The following SLCO3A1 variants were observed in gnomAD, a reference collection of about 807,000 sequenced individuals.
SLCO3A1 encodes PGE1 transporter.
SLCO3A1 carries 27 observed loss-of-function variants against 63.1 expected under a neutral mutation model. That is an observed-to-expected ratio of 0.43 (90% CI 0.32 to 0.59). SLCO3A1 has a LOEUF of 0.59. SLCO3A1 is among the 20% of genes least tolerant of loss of function. The probability of loss-of-function intolerance (pLI) is 0.09; values close to 1 mark genes in which losing one functional copy is unlikely to be tolerated. For synonymous variants in SLCO3A1, 473 were observed against 409.9 expected (o/e 1.15, Z -1.86); for missense variants, 773 against 945.8 (o/e 0.82, Z 2.40).
intron 2 of SLCO3A1, among the ~76,000 whole-genome samples, chr15:92,065,651 G>A (rs1484398501): frequency 6.6e-6 from 1 of 151,974 alleles, no homozygotes; most frequent in Non-Finnish European, 1.5e-5. Context: ...AGTAATTAAG[G>A]GGGATCCATG....
Position 92,036,074 on chromosome 15 carries a change from T to C in SLCO3A1, c.647-58807T>C, listed in dbSNP as rs2046722056. On this transcript the variant is annotated intron_variant, in intron 2 of 9. Transcript: ENST00000318445. ...TTGGACCAGCACCACCAAGCCACTC[T>C]CCAACTGCAGAACATCCCAAGGCCA... 1.3e-5 allele frequency among the ~76,000 whole-genome samples: 2 copies of C among 152,180 alleles called. 1 individual carries two copies. The highest frequency in any genetic ancestry group is 4.1e-4 in the South Asian group (2 of 4,834).
intron 2 of SLCO3A1, among the ~76,000 whole-genome samples, chr15:92,011,513 TAA>T (rs11336879): frequency 5.9e-4 from 90 of 151,456 alleles, no homozygotes; most frequent in African/African-American, 1.9e-3. Context: ...ACATGCTTCT[TAA>T]AAAAAAAATT....
At chr15:92,143,781 C>G (rs2048182431) in intron 7 of SLCO3A1, among the ~76,000 whole-genome samples, 1 of 151,362 alleles carries the variant, frequency 6.6e-6, no homozygotes, top group African/African-American at 2.4e-5. Flanking sequence ...GCGTAACTGT[C>G]AGGAAAACAG....
chr15:92,172,303 A>T (rs2048526061), exon 11 of SLCO3A1: 2 of 160,172 alleles, frequency 1.2e-5, no homozygotes, highest in Non-Finnish European at 2.7e-5. Flanking sequence ...GCACATACTC[A>T]ATAGATTTTT....
intron 2 of SLCO3A1, among the ~76,000 whole-genome samples, chr15:91,972,250 G>C (rs947884411): frequency 2.0e-5 from 3 of 152,140 alleles, no homozygotes; most frequent in Admixed American, 2.0e-4. Flanking sequence ...GGGTTGGGAG[G>C]TGGATATGGG....
At chr15:92,071,315 G>A (rs2047213207) in intron 2 of SLCO3A1, among the ~76,000 whole-genome samples, 1 of 152,178 alleles carries the variant, frequency 6.6e-6, no homozygotes, top group Admixed American at 6.5e-5. Flanking sequence ...TGTCTGCAGG[G>A]CAAGCATTCA....
At chr15:92,057,629 C>T (rs1050190719) in intron 2 of SLCO3A1, among the ~76,000 whole-genome samples, 1 of 152,202 alleles carries the variant, frequency 6.6e-6, no homozygotes, top group Non-Finnish European at 1.5e-5. Context: ...CCAGCCCCAT[C>T]CAGACCCAGC....
At position 91,856,478 on chromosome 15, in the gene SLCO3A1, ATC is replaced by A. The variant is rs1226906175; in HGVS notation, c.180+2392_180+2393del. On this transcript the variant is annotated intron_variant, in intron 1 of 9. Coordinates refer to ENST00000318445, the MANE Select transcript of SLCO3A1 (RefSeq NM_013272.4). This position sits in a 1 kb window ranked among gnomAD's most constrained non-coding sequence, Gnocchi z 4.9. ...TGGGCCACTTCAGAGTTTTCTCTTC[ATC>A]TGTTATTTGGGAGATGGGGAAAAAA... Among the ~76,000 whole-genome samples, 1 of 151,966 alleles carries A rather than the reference ATC, an allele frequency of 6.6e-6. No homozygotes were observed. The highest frequency in any genetic ancestry group is 1.5e-5 in the Non-Finnish European group (1 of 68,002).
In SLCO3A1 at chr15:92,163,872, C is replaced by A; in HGVS notation, c.*737C>A. The stretch of plus-strand genomic sequence containing the variant: ...CCTGAGGGGGAGCCAGGTGGGGGGC[C>A]AGCACCTCCCAGTGGCGGGCATCCA... On this transcript the variant is annotated 3_prime_UTR_variant, in exon 10 of 10. Transcript: ENST00000318445. 1 of 985,724 alleles carries A rather than the reference C, an allele frequency of 1.0e-6. No individual in the cohort carries two copies. The highest frequency in any genetic ancestry group is 4.7e-5 in the South Asian group (1 of 21,296). The allele number at this position is 985,724 out of a possible 1,614,324, so 61.1% of individuals were successfully genotyped here.
downstream of SLCO3A1, among the ~76,000 whole-genome samples, chr15:92,167,384 T>A (rs1219040313): frequency 1.3e-5 from 2 of 152,210 alleles, no homozygotes; most frequent in African/African-American, 4.8e-5. Flanking sequence ...ATCTAAGAGG[T>A]GCCAACTTTT....
At chr15:92,148,069 G>A (rs533316485) in intron 8 of SLCO3A1, among the ~76,000 whole-genome samples, 1 of 152,294 alleles carries the variant, frequency 6.6e-6, no homozygotes, top group Admixed American at 6.5e-5. Context: ...GTAGCAGGGC[G>A]TGTTGGCACA....
Position 92,163,161 on chromosome 15 carries a change from A to G in SLCO3A1, c.*26A>G, listed in dbSNP as rs770056385. On this transcript the variant is annotated 3_prime_UTR_variant, in exon 10 of 10. Transcript: ENST00000318445. ...TGACTAAAGGAGGGCTGAACTCTGTATTAGTAATCCAAGGGTCATTTTTTT... is the reference window on the plus strand; with the variant it reads ...TGACTAAAGGAGGGCTGAACTCTGTGTTAGTAATCCAAGGGTCATTTTTTT... 50 of 1,466,106 alleles carry G rather than the reference A, an allele frequency of 3.4e-5. No individual in the cohort carries two copies. Among genetic ancestry groups the G allele is most frequent in the Non-Finnish European group, 4.4e-5 (49 of 1,111,904 alleles). The allele number at this position is 1,466,106 out of a possible 1,614,324, so 90.8% of individuals were successfully genotyped here.
intron 2 of SLCO3A1, among the ~76,000 whole-genome samples, chr15:92,055,388 C>T (rs918834131): frequency 6.6e-6 from 1 of 152,126 alleles, no homozygotes; most frequent in Non-Finnish European, 1.5e-5. Context: ...TCATCCCGTT[C>T]AGTGTGTTGT....
chr15:92,039,071 C>T (rs117435688), intron 2 of SLCO3A1, among the ~76,000 whole-genome samples: 6,896 of 151,650 alleles, frequency 0.045, 211 homozygotes, highest in Admixed American at 0.069. Context: ...AACTGGACCC[C>T]GTCCTCCTCA....
At chr15:91,918,181 G>A (rs1192684467) in intron 2 of SLCO3A1, among the ~76,000 whole-genome samples, 1 of 152,248 alleles carries the variant, frequency 6.6e-6, no homozygotes, top group Non-Finnish European at 1.5e-5. Flanking sequence ...TGGTGAGGAA[G>A]CACTTTGGTT....
At chr15:92,012,721 G>T (rs1326533302) in intron 2 of SLCO3A1, among the ~76,000 whole-genome samples, 1 of 132,276 alleles carries the variant, frequency 7.6e-6, no homozygotes, top group East Asian at 2.5e-4. Context: ...TGGGCAACAT[G>T]ATGAAATGCT....
At position 91,897,978 on chromosome 15, in the gene SLCO3A1, C is replaced by G. The variant is rs1396801280; in HGVS notation, c.181-18015C>G. Among the ~76,000 whole-genome samples, 1 of 152,204 alleles carries G rather than the reference C, an allele frequency of 6.6e-6. No homozygotes were observed. Among genetic ancestry groups the G allele is most frequent in the Non-Finnish European group, 1.5e-5 (1 of 68,036 alleles). ...GAAAGATATCATGAGATGCAGAAAG[C>G]AGGTGCTCATGGTTTGTTTCTGTTG... On this transcript the variant is annotated intron_variant, in intron 1 of 9. Transcript: ENST00000318445. The surrounding 1 kb of genome is among the most constrained non-coding windows in gnomAD (Gnocchi z 4.7).
At position 91,954,157 on chromosome 15, in the gene SLCO3A1, T is replaced by C. The variant is rs543535189; in HGVS notation, c.646+37699T>C. On this transcript the variant is annotated intron_variant, in intron 2 of 9. Coordinates refer to ENST00000318445, the MANE Select transcript of SLCO3A1 (RefSeq NM_013272.4). The surrounding 1 kb of genome is among the most constrained non-coding windows in gnomAD (Gnocchi z 4.7). ...CACATACAGTCTGTGAAGATAGTTT[T>C]GACCTCCTAGACCTCTCTGCTCAAG... Among the ~76,000 whole-genome samples, 4 of 152,336 alleles carry C rather than the reference T, an allele frequency of 2.6e-5. No homozygotes were observed. Among genetic ancestry groups the C allele is most frequent in the Admixed American group, 2.6e-4 (4 of 15,308 alleles).
intron 2 of SLCO3A1, among the ~76,000 whole-genome samples, chr15:91,969,493 T>C (rs548043489): frequency 6.6e-6 from 1 of 152,014 alleles, no homozygotes; most frequent in South Asian, 2.1e-4. Context: ...TTTAGTAAAG[T>C]AGGGGGTTTC....
Sources: allele counts gnomAD v4.1 joint callset (sites outside exome capture counted in the v4.1 genomes callset), GRCh38; gene constraint gnomAD v4.1.1; non-coding constraint Gnocchi (gnomAD v3.1); transcripts MANE v1.5; gene names NCBI Gene and HGNC (gene_info 2026-07-23, HGNC 2026-07-21).